KIAA1549L: variants seen among roughly 807,000 people sequenced by gnomAD.
KIAA1549L encodes UPF0606 protein KIAA1549L.
In KIAA1549L, 88 loss-of-function variants were observed where a neutral mutation model predicts 160.7. The observed-to-expected ratio is 0.55, with a 90% CI of 0.46 to 0.65. The LOEUF (loss-of-function observed/expected upper bound fraction) is 0.65. Ranked by LOEUF, KIAA1549L falls within the 30% of genes least tolerant of loss-of-function variation. KIAA1549L has a pLI of 0.00. For synonymous variants in KIAA1549L, 950 were observed against 976.7 expected, an observed-to-expected ratio of 0.97 and a Z score of 0.51; for missense variants, 2,258 against 2,437.5, an observed-to-expected ratio of 0.93 and a Z score of 1.55.
intron 1 of KIAA1549L, among the ~76,000 whole-genome samples, chr11:33,455,163 G>C (rs752846514): frequency 1.8e-4 from 27 of 152,222 alleles, no homozygotes; most frequent in Admixed American, 1.0e-3. Context: ...TTTAATGATT[G>C]CTCCTTAGTT....
chr11:33,563,559 C>A (rs1458985718), intron 8 of KIAA1549L, among the ~76,000 whole-genome samples: 1 of 152,032 alleles, frequency 6.6e-6, no homozygotes, highest in Non-Finnish European at 1.5e-5. Flanking sequence ...GACTGTACAC[C>A]CCTGCTGGAT....
chr11:33,489,877 A>G (rs545969678), intron 1 of KIAA1549L, among the ~76,000 whole-genome samples: 2 of 152,364 alleles, frequency 1.3e-5, no homozygotes, highest in Admixed American at 6.5e-5. Flanking sequence ...AAATGAAAAG[A>G]TCAAACGTTA....
intron 1 of KIAA1549L, among the ~76,000 whole-genome samples, chr11:33,469,170 C>G (rs191750614): frequency 2.0e-5 from 3 of 152,108 alleles, no homozygotes; most frequent in African/African-American, 7.2e-5. Flanking sequence ...CCAAACAAAC[C>G]CCGTTATCTA....
rs997377905 is a variant in KIAA1549L at position 33,672,062 on chromosome 11, G to A, written c.*3908G>A. ...CTTTCACACTTGAAGTGCAGGTGTT[G>A]GCTGAAAGAATAGAGGGACATTTCA... On this transcript the variant is annotated 3_prime_UTR_variant, in exon 21 of 21. Transcript: ENST00000658780. 6.6e-6 allele frequency: 1 copy of A among 152,186 alleles called. No homozygotes were observed. Among genetic ancestry groups the A allele is most frequent in the Admixed American group, 6.5e-5 (1 of 15,278 alleles). 9.4% of individuals were successfully genotyped at this position (152,186 alleles called of 1,614,324 possible).
At chr11:33,615,770 C>T (rs1183600494) in intron 15 of KIAA1549L, among the ~76,000 whole-genome samples, 1 of 152,192 alleles carries the variant, frequency 6.6e-6, no homozygotes, top group African/African-American at 2.4e-5. Context: ...ACTTAAGTGT[C>T]AATTGCTAAT....
At chr11:33,464,629 A>G (rs147613871) in intron 1 of KIAA1549L, among the ~76,000 whole-genome samples, 25 of 151,998 alleles carry the variant, frequency 1.6e-4, no homozygotes, top group African/African-American at 5.5e-4. Context: ...TAGCATTCCT[A>G]TGTCCCTGTC....
intron 15 of KIAA1549L, among the ~76,000 whole-genome samples, 165 bp from the exon 16 acceptor site, chr11:33,618,368 T>G (rs1396807730): frequency 2.0e-5 from 3 of 152,250 alleles, no homozygotes. Flanking sequence ...AAATCTTTAT[T>G]TCACTCTTTC....
chr11:33,443,320 G>A (rs909121545), intron 1 of KIAA1549L, among the ~76,000 whole-genome samples: 1 of 151,360 alleles, frequency 6.6e-6, no homozygotes, highest in South Asian at 2.1e-4. Flanking sequence ...TCTTTTTAGT[G>A]ATTTTTTTTT....
chr11:33,441,255 A>C (rs930488224), intron 1 of KIAA1549L, among the ~76,000 whole-genome samples: 1 of 151,756 alleles, frequency 6.6e-6, no homozygotes, highest in Non-Finnish European at 1.5e-5. Flanking sequence ...TGAACTCATC[A>C]TTTTTTATGG....
intron 1 of KIAA1549L, among the ~76,000 whole-genome samples, chr11:33,487,576 T>C (rs1428697508): frequency 6.6e-6 from 1 of 152,142 alleles, no homozygotes; most frequent in Non-Finnish European, 1.5e-5. Flanking sequence ...TGCCTTGCCT[T>C]CAGAAGTTTG....
rs747860113 is a variant in KIAA1549L, at chr11:33,645,912, C to G, written c.5636C>G (p.Ala1879Gly). The change falls in exon 17 of 21, where the codon GCC becomes GGC. Residue 1879 changes from alanine (A) to glycine (G), a missense_variant. Ala to Gly is a moderately conservative substitution (Grantham distance 60). Around this residue, in one of 6 missense-constraint regions of KIAA1549L, gnomAD observed 1,359 missense variants for 1,546.6 expected, o/e 0.88. Coordinates refer to ENST00000658780, the MANE Select transcript of KIAA1549L (RefSeq NM_012194.3). ...QSRHQEAYGS[A>G]QHLPYSEVVT... ...CGGCACCAAGAGGCCTACGGCTCAG[C>G]CCAGCACCTGCCCTATTCGGAGGTG... 13 of 1,613,440 alleles carry G rather than the reference C, an allele frequency of 8.1e-6. No homozygotes were observed. Among genetic ancestry groups the G allele is most frequent in the Non-Finnish European group, 8.5e-7 (1 of 1,179,626 alleles).
At chr11:33,640,062 C>G (rs1034907340) in intron 16 of KIAA1549L, among the ~76,000 whole-genome samples, 1 of 152,050 alleles carries the variant, frequency 6.6e-6, no homozygotes, top group African/African-American at 2.4e-5. Context: ...ATTGTAATGT[C>G]ATTTTTAAAA....
intron 8 of KIAA1549L, among the ~76,000 whole-genome samples, chr11:33,564,636 T>C (rs1322570655): frequency 1.3e-5 from 2 of 152,244 alleles, no homozygotes; most frequent in Admixed American, 1.3e-4. Flanking sequence ...CATTTCAGGC[T>C]TATCCATCTG....
At chr11:33,449,333 A>C (rs542009810) in intron 1 of KIAA1549L, among the ~76,000 whole-genome samples, 6 of 151,358 alleles carry the variant, frequency 4.0e-5, no homozygotes, top group Non-Finnish European at 7.4e-5. Context: ...TTTAGTGTCT[A>C]TTATGGTGGA....
At chr11:33,545,687 A>G (rs973954414) in intron 3 of KIAA1549L, among the ~76,000 whole-genome samples, 2 of 152,214 alleles carry the variant, frequency 1.3e-5, no homozygotes, top group African/African-American at 4.8e-5. Context: ...AGCTTTAGCA[A>G]GTGTTAGAGG....
intron 1 of KIAA1549L, among the ~76,000 whole-genome samples, chr11:33,503,006 C>T (rs901998280): frequency 5.9e-5 from 9 of 152,190 alleles, no homozygotes; most frequent in African/African-American, 1.9e-4. Context: ...AATGCACACA[C>T]TGTAAGTATA....
chr11:33,398,593 T>G (rs1850433220), intron 1 of KIAA1549L, among the ~76,000 whole-genome samples: 2 of 152,158 alleles, frequency 1.3e-5, no homozygotes, highest in South Asian at 4.2e-4. Flanking sequence ...CACCAGTCCT[T>G]CCCCATGGAT....
intron 1 of KIAA1549L, among the ~76,000 whole-genome samples, chr11:33,400,544 A>G (rs1850478147): frequency 6.6e-6 from 1 of 152,240 alleles, no homozygotes; most frequent in South Asian, 2.1e-4. Flanking sequence ...GATTTTTACC[A>G]GAGCAGGTCT....
At chr11:33,651,870 TC>T (rs1334197274) in intron 17 of KIAA1549L, among the ~76,000 whole-genome samples, 2 of 24,240 alleles carry the variant, frequency 8.3e-5, no homozygotes, top group Non-Finnish European at 1.5e-4. Context: ...TCCCCTCCCC[TC>T]CCCCCCTTTC....
Sources: gnomAD v4.1 joint callset for allele counts (sites outside exome capture counted in the v4.1 genomes callset) on GRCh38, gnomAD v4.1.1 for gene constraint, gnomAD v4.1.1 regional missense constraint, MANE v1.5 for transcripts, NCBI Gene and HGNC (gene_info 2026-07-23, HGNC 2026-07-21) for gene names.